CLASP1: variants seen among roughly 807,000 people sequenced by gnomAD.
The protein encoded by CLASP1 is CLIP-associating protein 1.
Under a neutral mutation model 192.3 loss-of-function variants are expected in CLASP1, and 38 were observed. The observed-to-expected ratio is 0.20, with a 90% confidence interval of 0.15 to 0.26. CLASP1 has a LOEUF of 0.26. CLASP1 is among the 10% of genes least tolerant of loss of function. The pLI is 1.00. For synonymous variants in CLASP1, 691 were observed against 712.8 expected (o/e 0.97, Z 0.49); for missense variants, 1,433 against 1,932.5 (o/e 0.74, Z 4.85).
intron 2 of CLASP1, among the ~76,000 whole-genome samples, chr2:121,535,943 T>G (rs957489577): frequency 2.6e-5 from 4 of 151,280 alleles, no homozygotes; most frequent in African/African-American, 4.9e-5. Context: ...ATTACAGGCA[T>G]GAGCCACTGC....
intron 9 of CLASP1, among the ~76,000 whole-genome samples, chr2:121,463,245 A>AT (rs1263578640): frequency 6.6e-6 from 1 of 152,140 alleles, no homozygotes; most frequent in Non-Finnish European, 1.5e-5. Flanking sequence ...GCTTTATCAG[A>AT]TTTTTTTCAC....
intron 2 of CLASP1, among the ~76,000 whole-genome samples, chr2:121,533,069 G>A (rs944599507): frequency 6.6e-6 from 1 of 152,126 alleles, no homozygotes; most frequent in Non-Finnish European, 1.5e-5. Flanking sequence ...GAAAGCTGAC[G>A]TCAGCTTTTC....
intron 8 of CLASP1, among the ~76,000 whole-genome samples, chr2:121,501,088 C>A (rs2093737855): frequency 6.6e-6 from 1 of 152,196 alleles, no homozygotes; most frequent in Non-Finnish European, 1.5e-5. Context: ...CTCTTTTAGG[C>A]AAGATCTCCA....
intron 18 of CLASP1, 88 bp from the exon 19 acceptor site, chr2:121,447,595 G>T: frequency 1.8e-6 from 2 of 1,105,432 alleles, no homozygotes; most frequent in Non-Finnish European, 2.5e-6. Flanking sequence ...TTGCTTTCCT[G>T]AAAACAAATA....
rs191603827 is a variant in CLASP1, at chr2:121,639,429, G to T, written c.-286+9943C>A. The stretch of plus-strand genomic sequence containing the variant: ...AGTAGATCAGAGGTTACCAGGTGCT[G>T]GGAGACAGAGGAATGGGGAGTTATT... On this transcript the variant is annotated intron_variant, in intron 1 of 39. Transcript: ENST00000263710. 1.6e-3 allele frequency among the ~76,000 whole-genome samples: 246 copies of T among 152,316 alleles called. 1 individual carries two copies. The highest frequency in any genetic ancestry group is 6.8e-3 in the Middle Eastern group (2 of 294).
chr2:121,435,800 CAGTTTTA>C (rs922478033), intron 19 of CLASP1, among the ~76,000 whole-genome samples: 6 of 152,114 alleles, frequency 3.9e-5, no homozygotes, highest in South Asian at 2.1e-4. Flanking sequence ...GATTCCTATG[CAGTTTTA>C]AGTTTTAAGA....
chr2:121,614,804 G>A (rs904285358), intron 1 of CLASP1, among the ~76,000 whole-genome samples: 3 of 152,174 alleles, frequency 2.0e-5, no homozygotes, highest in South Asian at 2.1e-4. Flanking sequence ...CATACTCAGA[G>A]AGGACAAGAC....
At chr2:121,470,366 C>T in intron 8 of CLASP1, 1 of 455,156 alleles carries the variant, frequency 2.2e-6, no homozygotes. Flanking sequence ...CTTGGCCTCT[C>T]AAGGTGCTAG....
chr2:121,505,598 C>T (rs1239921011), intron 7 of CLASP1, among the ~76,000 whole-genome samples: 3 of 152,172 alleles, frequency 2.0e-5, no homozygotes, highest in Non-Finnish European at 2.9e-5. Flanking sequence ...TTGGGACCTA[C>T]TGATTCACAC....
intron 2 of CLASP1, among the ~76,000 whole-genome samples, chr2:121,588,936 AG>A (rs1483466754): frequency 6.6e-6 from 1 of 152,088 alleles, no homozygotes; most frequent in African/African-American, 2.4e-5. Flanking sequence ...GCATAGGCTG[AG>A]GGTTTATGGG....
chr2:121,546,450 AAAC>A (rs2057426267), intron 2 of CLASP1, among the ~76,000 whole-genome samples: 1 of 151,918 alleles, frequency 6.6e-6, no homozygotes, highest in Non-Finnish European at 1.5e-5. Context: ...CCAATCAAGG[AAAC>A]AACTCCACCC....
chr2:121,556,141 GC>G (rs2058548732), intron 2 of CLASP1, among the ~76,000 whole-genome samples: 2 of 151,366 alleles, frequency 1.3e-5, no homozygotes, highest in South Asian at 4.2e-4. Flanking sequence ...ACACCACCAC[GC>G]CTAGCTAATT....
chr2:121,461,056 A>T, intron 11 of CLASP1, 45 bp downstream of exon 11: 1 of 1,149,482 alleles, frequency 8.7e-7, no homozygotes, highest in Non-Finnish European at 1.3e-6. Context: ...TGAGATATTT[A>T]AATACATCTT....
intron 2 of CLASP1, among the ~76,000 whole-genome samples, chr2:121,559,517 GA>G (rs2058885362): frequency 1.3e-5 from 2 of 152,230 alleles, no homozygotes; most frequent in South Asian, 4.1e-4. Flanking sequence ...ATTAAGTACT[GA>G]ATTCATGCTA....
intron 19 of CLASP1, among the ~76,000 whole-genome samples, chr2:121,437,826 C>T (rs949585620): frequency 1.4e-4 from 22 of 152,172 alleles, no homozygotes; most frequent in Admixed American, 6.5e-4. Flanking sequence ...CTCAGGGTGA[C>T]GGCCAGCATT....
intron 8 of CLASP1, among the ~76,000 whole-genome samples, chr2:121,498,087 T>A (rs1223387565): frequency 6.6e-6 from 1 of 152,090 alleles, no homozygotes; most frequent in Non-Finnish European, 1.5e-5. Flanking sequence ...CTGGAACTCC[T>A]GAGCTCAGGC....
At position 121,578,312 on chromosome 2, in the gene CLASP1, C is replaced by T. The variant is rs546648325; in HGVS notation, c.195+27389G>A. 3.3e-5 allele frequency among the ~76,000 whole-genome samples: 5 copies of T among 151,158 alleles called. No individual in the cohort carries two copies. In the East Asian group the frequency reaches 7.8e-4, roughly 24 times the overall value. ...ACCTGCATGCCTGCAGTCCCAGCTA[C>T]TCAGGAAGCTGAGGTGAGAGGATCA... On this transcript the variant is annotated intron_variant, in intron 2 of 39. Coordinates refer to ENST00000263710, the Ensembl canonical transcript of CLASP1.
intron 2 of CLASP1, 79 bp from the exon 3 acceptor site, chr2:121,530,404 T>TC: frequency 8.6e-7 from 1 of 1,169,394 alleles, no homozygotes; most frequent in Non-Finnish European, 1.2e-6. Context: ...CGGGGAGGCC[T>TC]AGACATTTCC....
intron 32 of CLASP1, among the ~76,000 whole-genome samples, chr2:121,384,007 T>TACACACAC (rs771174974): frequency 3.6e-5 from 5 of 139,720 alleles, no homozygotes; most frequent in South Asian, 2.2e-4. Context: ...TATATATATA[T>TACACACAC]ACACACACAC....
Sources: allele counts gnomAD v4.1 joint callset (sites outside exome capture counted in the v4.1 genomes callset), GRCh38; gene constraint gnomAD v4.1.1; transcripts MANE v1.5; gene names NCBI Gene and HGNC (gene_info 2026-07-23, HGNC 2026-07-21).